The following CPNE3 variants were observed in gnomAD, a reference collection of about 807,000 sequenced individuals.
The protein encoded by CPNE3 is copine 3.
A neutral mutation model predicts 63.9 loss-of-function variants in CPNE3; 68 were observed. That is an observed-to-expected ratio of 1.06 (90% CI 0.87 to 1.30). The LOEUF is 1.30. Among genes scored for constraint, CPNE3 ranks in the 50% most tolerant of loss-of-function variants. The pLI, the probability that CPNE3 is intolerant of heterozygous loss-of-function variation, is 0.00. For missense variants in CPNE3, 665 were observed against 578.1 expected, an observed-to-expected ratio of 1.15 and a Z score of -1.54; for synonymous variants, 219 against 197.5, an observed-to-expected ratio of 1.11 and a Z score of -0.91.
At position 86,559,951 on chromosome 8, in the gene CPNE3, T is replaced by G. The variant is rs941713958; in HGVS notation, c.*1541T>G. 1 of 152,188 alleles carries G rather than the reference T, an allele frequency of 6.6e-6. No homozygotes were observed. Among genetic ancestry groups the G allele is most frequent in the Non-Finnish European group, 1.5e-5 (1 of 68,032 alleles). The allele number at this position is 152,188 out of a possible 1,614,324, so 9.4% of individuals were successfully genotyped here. ...AAGGGAGTGAGCTCTCAACCACAGA[T>G]AGCTGTGGCTTCTCAGAAGCAGCTC... On this transcript the variant is annotated 3_prime_UTR_variant, in exon 17 of 17. Coordinates refer to ENST00000517490, the MANE Select transcript of CPNE3 (RefSeq NM_003909.5).
At chr8:86,553,474 G>T (rs1369211973) in intron 14 of CPNE3, among the ~76,000 whole-genome samples, 1 of 152,154 alleles carries the variant, frequency 6.6e-6, no homozygotes, top group African/African-American at 2.4e-5. Context: ...TTACTGTAAA[G>T]ACATAGAAAA....
In CPNE3 at chr8:86,548,337, A is replaced by G; in HGVS notation, c.916A>G (p.Arg306Gly). Residue 306 changes from arginine (R) to glycine (G), a missense_variant, in exon 12 of 17, where the codon AGG (arginine) becomes GGG (glycine). Arg to Gly is a moderately radical substitution (Grantham distance 125). Coordinates refer to ENST00000517490, the MANE Select transcript of CPNE3 (RefSeq NM_003909.5). ...VDFTGSNGDP[R>G]SPDSLHYISP... ...CTTCACTGGCTCCAATGGTGACCCAAGGTCTCCAGACTCCCTTCATTACAT... is the reference window on the plus strand; with the variant it reads ...CTTCACTGGCTCCAATGGTGACCCAGGGTCTCCAGACTCCCTTCATTACAT... 2.5e-6 allele frequency: 4 copies of G among 1,614,056 alleles called. No homozygotes were observed. The highest frequency in any genetic ancestry group is 1.7e-6 in the Non-Finnish European group (2 of 1,179,940).
At chr8:86,523,732 C>T (rs1321464544) in intron 2 of CPNE3, among the ~76,000 whole-genome samples, 1 of 152,098 alleles carries the variant, frequency 6.6e-6, no homozygotes, top group Non-Finnish European at 1.5e-5. Context: ...ATTACAGGCA[C>T]CTGCCACCAC....
chr8:86,533,537 A>C (rs926948969), intron 6 of CPNE3, among the ~76,000 whole-genome samples: 2 of 152,118 alleles, frequency 1.3e-5, no homozygotes, highest in Admixed American at 1.3e-4. Flanking sequence ...GTAAAAACAA[A>C]AACAACAACA....
At position 86,558,456 on chromosome 8, in the gene CPNE3, C is replaced by T. The variant is rs1403732573; in HGVS notation, c.*46C>T. On this transcript the variant is annotated 3_prime_UTR_variant, in exon 17 of 17. Transcript: ENST00000517490. The stretch of plus-strand genomic sequence containing the variant: ...TGTGTTATGTGGAGCAATGCCATCT[C>T]TCACCCCAAATCGTGTATCTGTCAT... 2.3e-6 allele frequency: 2 copies of T among 871,216 alleles called. No individual in the cohort carries two copies. The highest frequency in any genetic ancestry group is 2.4e-5 in the East Asian group (1 of 41,652). 54.0% of individuals were successfully genotyped at this position (871,216 alleles called of 1,614,324 possible).
chr8:86,522,306 C>T (rs72690446), intron 2 of CPNE3, among the ~76,000 whole-genome samples: 8,252 of 152,158 alleles, frequency 0.054, 316 homozygotes, highest in Non-Finnish European at 0.087. Flanking sequence ...TTTGCCTCCC[C>T]CAACCCTCAC....
At chr8:86,527,244 T>G (rs1820561325) in intron 2 of CPNE3, among the ~76,000 whole-genome samples, 1 of 152,160 alleles carries the variant, frequency 6.6e-6, no homozygotes, top group Non-Finnish European at 1.5e-5. Context: ...GAACCTGCCC[T>G]AGCACCATCA....
At chr8:86,527,964 T>G (rs1165467849) in intron 2 of CPNE3, among the ~76,000 whole-genome samples, 1 of 141,292 alleles carries the variant, frequency 7.1e-6, no homozygotes, top group Non-Finnish European at 1.5e-5. Context: ...TTTTTTTTTT[T>G]TTTTTTTAGA....
At chr8:86,525,435 T>G (rs1024479320) in intron 2 of CPNE3, among the ~76,000 whole-genome samples, 10 of 152,238 alleles carry the variant, frequency 6.6e-5, no homozygotes, top group African/African-American at 2.2e-4. Context: ...TTATGTAATT[T>G]CTTCCATTTG....
chr8:86,519,713 C>A (rs1329345018), intron 2 of CPNE3, among the ~76,000 whole-genome samples: 1 of 152,040 alleles, frequency 6.6e-6, no homozygotes. Flanking sequence ...TCAGATATAG[C>A]TTTTTTTGTT....
chr8:86,555,026 G>T lies in CPNE3; in HGVS notation c.1254+42G>T, dbSNP rs759085870. 5 of 1,610,752 alleles carry T rather than the reference G, an allele frequency of 3.1e-6. No individual in the cohort carries two copies. In the Middle Eastern group the frequency reaches 6.6e-4, roughly 213 times the overall value. Reference sequence around the variant, plus strand: ...CAGGGAATGGGAAGAATGTGGATTGGTAGCAGCTCCTGGTGCCATTTTTCT... The same window carrying T: ...CAGGGAATGGGAAGAATGTGGATTGTTAGCAGCTCCTGGTGCCATTTTTCT... On this transcript the variant is annotated intron_variant, in intron 15 of 16. Coordinates refer to ENST00000517490, the MANE Select transcript of CPNE3 (RefSeq NM_003909.5).
rs551918800 is a variant in CPNE3, at chr8:86,516,119, G to A, written c.-11+620G>A. ...CTGGGCTGAAAAATTTCAAACTCTG[G>A]GACTGGATCATTTTGAGACTCTAGA... On this transcript the variant is annotated intron_variant, in intron 2 of 16. Transcript: ENST00000517490. Among the ~76,000 whole-genome samples, 3 of 152,214 alleles carry A rather than the reference G, an allele frequency of 2.0e-5. No homozygotes were observed. The South Asian group carries it at 6.2e-4, about 32-fold the overall frequency.
Position 86,531,181 on chromosome 8 carries a change from AC to A in CPNE3, c.341del (p.Pro114HisfsTer3). The A allele has an allele frequency of 7.7e-7, 1 of 1,307,004 alleles. No individual in the cohort carries two copies. The allele number at this position is 1,307,004 out of a possible 1,614,324, so 81.0% of individuals were successfully genotyped here. The stretch of plus-strand genomic sequence containing the variant: ...TTGTTTCCAGCAAGAAGCTAACTCG[AC>A]CACTGGTGATGAAAACTGGCAGACC... ...QIVSSKKLTR[P>X]LVMKTGRPAG... On this transcript the variant is annotated frameshift_variant, in exon 5 of 17. Coordinates refer to ENST00000517490, the MANE Select transcript of CPNE3 (RefSeq NM_003909.5). LOFTEE classifies it high-confidence loss of function.
intron 14 of CPNE3, 135 bp downstream of exon 14, chr8:86,551,369 T>C: frequency 1.5e-6 from 1 of 679,922 alleles, no homozygotes; most frequent in Non-Finnish European, 2.5e-6. Context: ...TTTTCTTACA[T>C]ATTTAACTTT....
At chr8:86,518,627 A>G (rs1186332880) in intron 2 of CPNE3, among the ~76,000 whole-genome samples, 1 of 152,184 alleles carries the variant, frequency 6.6e-6, no homozygotes, top group Non-Finnish European at 1.5e-5. Context: ...TTCTTAAGCC[A>G]GTCAAATTTA....
intron 9 of CPNE3, 55 bp from the exon 10 acceptor site, chr8:86,546,540 T>G (rs1439998245): frequency 5.1e-6 from 8 of 1,561,042 alleles, no homozygotes; most frequent in Non-Finnish European, 7.0e-6. Flanking sequence ...AAAGTCACAT[T>G]GGCATTTCTA....
chr8:86,557,569 A>G (rs943978716), intron 16 of CPNE3, among the ~76,000 whole-genome samples: 3 of 152,210 alleles, frequency 2.0e-5, no homozygotes, highest in African/African-American at 7.2e-5. Flanking sequence ...AAGTGGCTAT[A>G]TCATTTAACA....
intron 14 of CPNE3, chr8:86,554,259 C>A (rs1291559803): frequency 6.6e-6 from 1 of 152,258 alleles, no homozygotes; most frequent in Non-Finnish European, 1.5e-5. Flanking sequence ...GGGTAGTACC[C>A]CTAAACAAAC....
chr8:86,553,538 G>A (rs909401568), intron 14 of CPNE3, among the ~76,000 whole-genome samples: 3 of 152,236 alleles, frequency 2.0e-5, no homozygotes, highest in Admixed American at 6.5e-5. Context: ...TGCAGTACAG[G>A]TTTTTAACCT....
Sources: allele counts gnomAD v4.1 joint callset (sites outside exome capture counted in the v4.1 genomes callset), GRCh38; gene constraint gnomAD v4.1.1; transcripts MANE v1.5; gene names NCBI Gene and HGNC (gene_info 2026-07-23, HGNC 2026-07-21).